Variants in CS observed in about 807,000 individuals in gnomAD.
CS encodes citrate synthase, mitochondrial.
Under a neutral mutation model 61.4 loss-of-function variants are expected in CS, and 13 were observed. The observed-to-expected ratio is 0.21, with a 90% CI of 0.14 to 0.34. CS has a LOEUF of 0.34. Among genes scored for constraint, CS ranks in the 10% least tolerant of loss-of-function variants. CS has a pLI of 1.00. For missense variants in CS, 278 were observed against 573.4 expected, an observed-to-expected ratio of 0.48 and a Z score of 5.26; for synonymous variants, 159 against 215.2, an observed-to-expected ratio of 0.74 and a Z score of 2.29.
At chr12:56,294,636 G>C (rs1235656954) in intron 1 of CS, among the ~76,000 whole-genome samples, 1 of 147,190 alleles carries the variant, frequency 6.8e-6, no homozygotes, top group Non-Finnish European at 1.5e-5. Flanking sequence ...GTGCGATCTC[G>C]GCTCACTGAA....
At chr12:56,292,389 TAAA>T (rs759545743) in intron 1 of CS, among the ~76,000 whole-genome samples, 5 of 109,202 alleles carry the variant, frequency 4.6e-5, no homozygotes, top group Admixed American at 1.9e-4. Context: ...AGACTTGGTC[TAAA>T]AAAAAAAAAA....
intron 1 of CS, among the ~76,000 whole-genome samples, chr12:56,292,730 CAAA>C (rs531365770): frequency 0.057 from 3,256 of 56,808 alleles, 55 homozygotes; most frequent in Non-Finnish European, 0.085. Flanking sequence ...TAAAAAAATA[CAAA>C]AAAAAAAAAA....
intron 9 of CS, 64 bp downstream of exon 9, chr12:56,274,713 A>G: frequency 7.8e-7 from 1 of 1,277,496 alleles, no homozygotes; most frequent in Non-Finnish European, 1.1e-6. Flanking sequence ...TCTTTTCTTA[A>G]TTCTTCCAAA....
intron 1 of CS, among the ~76,000 whole-genome samples, chr12:56,290,314 C>T (rs758165911): frequency 6.6e-6 from 1 of 152,144 alleles, no homozygotes; most frequent in Non-Finnish European, 1.5e-5. Context: ...CAGGTTCACA[C>T]TATTCTCCTG....
At chr12:56,283,730 C>G (rs1872844593) in intron 4 of CS, 62 bp downstream of exon 4, 1 of 1,293,450 alleles carries the variant, frequency 7.7e-7, no homozygotes, top group South Asian at 1.2e-5. Flanking sequence ...CTGGTCTAAT[C>G]CACGGTTTGC....
rs1300926058 is a variant in CS at position 56,295,826 on chromosome 12, C to T, written c.42+4334G>A. On this transcript the variant is annotated intron_variant, in intron 1 of 10. Transcript: ENST00000351328. ...AAAATTAGCGGGGCGAGGTGGTGGG[C>T]GCCTACAGTCCCAGCTACTCAGGAG... is the stretch of plus-strand genomic sequence containing the variant. Among the ~76,000 whole-genome samples, 5 of 148,770 alleles carry T rather than the reference C, an allele frequency of 3.4e-5. No homozygotes were observed. The South Asian group carries it at 6.5e-4, about 19-fold the overall frequency.
chr12:56,289,504 G>A (rs1019591719), intron 1 of CS, among the ~76,000 whole-genome samples: 2 of 151,560 alleles, frequency 1.3e-5, no homozygotes, highest in East Asian at 3.9e-4. Flanking sequence ...GTGCAGTGGT[G>A]CGATCTCAGC....
chr12:56,273,881 T>C, intron 9 of CS, 85 bp from the exon 10 acceptor site: 1 of 1,142,036 alleles, frequency 8.8e-7, no homozygotes, highest in Admixed American at 1.8e-5. Flanking sequence ...TCACCCAGGC[T>C]GGAGTGCAGT....
intron 1 of CS, among the ~76,000 whole-genome samples, chr12:56,287,823 T>C (rs1872990809): frequency 1.3e-5 from 2 of 151,548 alleles, no homozygotes; most frequent in African/African-American, 4.8e-5. Flanking sequence ...CTTGGCTAAT[T>C]TTTTTTGTAT....
intron 9 of CS, 81 bp from the exon 10 acceptor site, chr12:56,273,877 A>G: frequency 8.1e-7 from 1 of 1,234,852 alleles, no homozygotes; most frequent in Admixed American, 1.8e-5. Context: ...TCTGTCACCC[A>G]GGCTGGAGTG....
chr12:56,288,265 AG>A (rs1353211315), intron 1 of CS, among the ~76,000 whole-genome samples: 4 of 152,012 alleles, frequency 2.6e-5, no homozygotes, highest in Non-Finnish European at 5.9e-5. Context: ...CACCTTTTCT[AG>A]TAACTACTGC....
At chr12:56,276,791 C>G (rs1872632951) in intron 6 of CS, among the ~76,000 whole-genome samples, 1 of 152,198 alleles carries the variant, frequency 6.6e-6, no homozygotes, top group African/African-American at 2.4e-5. Context: ...ATCTGCCTGC[C>G]TTGGCCTCCC....
rs1872542739 is a variant in CS at position 56,272,579 on chromosome 12, C to CTTGCT, written c.*504_*505insAGCAA. On this transcript the variant is annotated 3_prime_UTR_variant, in exon 11 of 11. Coordinates refer to ENST00000351328, the MANE Select transcript of CS (RefSeq NM_004077.3). ...TGCCAAAGCATGTCCAGCTAACCAA[C>CTTGCT]AGGTCTTGCTAGGAGGTGTTTGTGT... 6.5e-6 allele frequency: 1 copy of CTTGCT among 152,944 alleles called. No individual in the cohort carries two copies. Among genetic ancestry groups the CTTGCT allele is most frequent in the South Asian group, 2.1e-4 (1 of 4,850 alleles). 9.5% of individuals were successfully genotyped at this position (152,944 alleles called of 1,614,324 possible). A position where few individuals can be genotyped will look rare whatever the true frequency, so the allele number is the denominator to read the frequency against.
rs1187343819 is a variant in CS at position 56,299,774 on chromosome 12, C to A, written c.42+386G>T. ...GTGAGCACATATCTTCACTCCCGCT[C>A]CCTCCACCAAACTGACTGTAACTCC... is the stretch of plus-strand genomic sequence containing the variant. On this transcript the variant is annotated intron_variant, in intron 1 of 10. Coordinates refer to ENST00000351328, the MANE Select transcript of CS (RefSeq NM_004077.3). 49 of 227,686 alleles carry A rather than the reference C, an allele frequency of 2.2e-4. 1 individual carries two copies. In the South Asian group the frequency reaches 2.2e-3, roughly 10 times the overall value. 14.1% of individuals were successfully genotyped at this position (227,686 alleles called of 1,614,324 possible). A position where few individuals can be genotyped will look rare whatever the true frequency, so the allele number is the denominator to read the frequency against.
At chr12:56,288,130 A>G (rs1873000073) in intron 1 of CS, among the ~76,000 whole-genome samples, 1 of 152,198 alleles carries the variant, frequency 6.6e-6, no homozygotes, top group African/African-American at 2.4e-5. Flanking sequence ...CACCTCACAG[A>G]ATAGTCCCAT....
Position 56,300,319 on chromosome 12 carries a change from G to C in CS, c.-118C>G. On this transcript the variant is annotated 5_prime_UTR_variant, in exon 1 of 11. Transcript: ENST00000351328. ...CGACGGGTTGACAAGGTTGAAAGGAGGCGGCTGAAGGAAAGAGTAGACGAA... is the reference window on the plus strand; with the variant it reads ...CGACGGGTTGACAAGGTTGAAAGGACGCGGCTGAAGGAAAGAGTAGACGAA... The C allele has an allele frequency of 1.8e-6, 2 of 1,133,840 alleles. No homozygotes were observed. The highest frequency in any genetic ancestry group is 1.4e-5 in the South Asian group (1 of 71,904). The allele number at this position is 1,133,840 out of a possible 1,614,324, so 70.2% of individuals were successfully genotyped here.
chr12:56,278,512 G>A (rs567543343), intron 6 of CS, among the ~76,000 whole-genome samples: 10 of 152,054 alleles, frequency 6.6e-5, no homozygotes, highest in South Asian at 4.1e-4. Flanking sequence ...GCTGAGGAGC[G>A]CGGATCAAGA....
intron 3 of CS, among the ~76,000 whole-genome samples, chr12:56,285,688 G>C (rs1437611576): frequency 6.6e-6 from 1 of 152,046 alleles, no homozygotes; most frequent in African/African-American, 2.4e-5. Context: ...AAAACAAACA[G>C]AATGAGTTCT....
At chr12:56,284,256 T>C (rs1872862048) in intron 3 of CS, among the ~76,000 whole-genome samples, 2 of 139,944 alleles carry the variant, frequency 1.4e-5, no homozygotes, top group African/African-American at 5.3e-5. Flanking sequence ...AAGGCAGAGA[T>C]TGCAGTGAGC....
Sources: gnomAD v4.1 joint callset for allele counts (sites outside exome capture counted in the v4.1 genomes callset) on GRCh38, gnomAD v4.1.1 for gene constraint, MANE v1.5 for transcripts, NCBI Gene and HGNC (gene_info 2026-07-23, HGNC 2026-07-21) for gene names.